The following CACNA1C variants were observed in gnomAD, a reference collection of about 807,000 sequenced individuals.
The protein encoded by CACNA1C is voltage-dependent L-type calcium channel subunit alpha-1C.
In CACNA1C, 30 loss-of-function variants were observed where a neutral mutation model predicts 229.0. That is an observed-to-expected ratio of 0.13 (90% CI 0.10 to 0.18). The LOEUF (loss-of-function observed/expected upper bound fraction) is 0.18. Among genes scored for constraint, CACNA1C ranks in the 10% least tolerant of loss-of-function variants. The probability of loss-of-function intolerance (pLI) is 1.00; values close to 1 mark genes in which losing one functional copy is unlikely to be tolerated. For synonymous variants in CACNA1C, 1,114 were observed against 1,132.5 expected (o/e 0.98, Z 0.33); for missense variants, 1,658 against 2,845.0 (o/e 0.58, Z 9.49).
chr12:2,256,970 C>G (rs950702182), intron 3 of CACNA1C, among the ~76,000 whole-genome samples: 5 of 152,180 alleles, frequency 3.3e-5, no homozygotes, highest in African/African-American at 1.2e-4. Context: ...AGATATGTTA[C>G]AGTTGCACTC....
At chr12:2,107,123 C>T (rs377012037) in intron 1 of CACNA1C, among the ~76,000 whole-genome samples, 138 of 94,840 alleles carry the variant, frequency 1.5e-3, no homozygotes, top group African/African-American at 2.6e-3. Context: ...CACTGGGTGC[C>T]CACCCCGGGG....
At position 2,668,963 on chromosome 12, in the gene CACNA1C, A is replaced by T; in HGVS notation, c.4654A>T (p.Ser1552Cys). Reference sequence around the variant, plus strand: ...GGTCTCCATGAACATGCCTCTGAACAGCGACGGGACAGTCATGTTCAATGC... The same window carrying T: ...GGTCTCCATGAACATGCCTCTGAACTGCGACGGGACAGTCATGTTCAATGC... The part of the protein sequence containing the change: ...RLVSMNMPLN[S>C]DGTVMFNATL... The change falls in exon 38 of 47, where the codon AGC (serine) becomes TGC (cysteine). Residue 1552 changes from serine to cysteine, a missense_variant. Around this residue, in one of 20 missense-constraint regions of CACNA1C, gnomAD observed 151 missense variants for 344.4 expected, o/e 0.44. Transcript: ENST00000399655. 2 of 1,614,150 alleles carry T rather than the reference A, an allele frequency of 1.2e-6. No homozygotes were observed. The highest frequency in any genetic ancestry group is 1.7e-6 in the Non-Finnish European group (2 of 1,179,990).
At chr12:2,458,925 T>G (rs889578389) in intron 5 of CACNA1C, among the ~76,000 whole-genome samples, 2 of 151,902 alleles carry the variant, frequency 1.3e-5, no homozygotes, top group Non-Finnish European at 2.9e-5. Context: ...CAGCACTGCC[T>G]CTTTTAAAGA....
intron 43 of CACNA1C, 63 bp from the exon 44 acceptor site, chr12:2,685,673 C>T: frequency 1.6e-6 from 2 of 1,222,136 alleles, no homozygotes; most frequent in Non-Finnish European, 2.4e-6. Context: ...GGGGGTGCAG[C>T]TGTCCCTGTG....
chr12:2,347,594 T>C (rs1236750372), intron 3 of CACNA1C, among the ~76,000 whole-genome samples: 2 of 152,216 alleles, frequency 1.3e-5, no homozygotes, highest in African/African-American at 4.8e-5. Flanking sequence ...GGAACACCGC[T>C]CCAGGACCAG....
chr12:2,226,125 G>GCACACA (rs59055471), intron 3 of CACNA1C, among the ~76,000 whole-genome samples: 26 of 142,876 alleles, frequency 1.8e-4, no homozygotes, highest in Admixed American at 2.8e-4. Flanking sequence ...ATGGGGACGC[G>GCACACA]CACACACACA....
At chr12:2,239,481 G>A (rs1004037732) in intron 3 of CACNA1C, among the ~76,000 whole-genome samples, 6 of 152,152 alleles carry the variant, frequency 3.9e-5, no homozygotes, top group African/African-American at 4.8e-5. Flanking sequence ...CAAAAGGGCC[G>A]TTCATTCCCA....
At chr12:2,016,511 C>G (rs1327586806) in intron 1 of CACNA1C, among the ~76,000 whole-genome samples, 1 of 152,066 alleles carries the variant, frequency 6.6e-6, no homozygotes, top group Admixed American at 6.6e-5. Flanking sequence ...CTCACTGCAA[C>G]CTCCTCCTCC....
intron 7 of CACNA1C, among the ~76,000 whole-genome samples, chr12:2,496,156 G>T (rs1162424563): frequency 1.3e-5 from 2 of 152,180 alleles, no homozygotes; most frequent in African/African-American, 4.8e-5. Flanking sequence ...TCTGCATTTT[G>T]AAAAAGCTCT....
At chr12:2,572,475 T>TG (rs2055839008) in intron 13 of CACNA1C, among the ~76,000 whole-genome samples, 1 of 5,356 alleles carries the variant, frequency 1.9e-4, no homozygotes. Flanking sequence ...TCTTCCTCCT[T>TG]CTCCTCTTCC....
At chr12:2,254,711 T>G (rs543929208) in intron 3 of CACNA1C, among the ~76,000 whole-genome samples, 4 of 152,074 alleles carry the variant, frequency 2.6e-5, no homozygotes, top group Admixed American at 2.6e-4. Flanking sequence ...TGCTATGGAG[T>G]CAGGGCTGAA....
intron 3 of CACNA1C, among the ~76,000 whole-genome samples, chr12:2,273,572 A>C (rs1306212006): frequency 6.6e-6 from 1 of 152,128 alleles, no homozygotes; most frequent in African/African-American, 2.4e-5. Flanking sequence ...CTGGTTTTGG[A>C]GATGGGGAGA....
chr12:2,048,937 C>T (rs2051589850), upstream of CACNA1C, among the ~76,000 whole-genome samples: 4 of 152,156 alleles, frequency 2.6e-5, no homozygotes, highest in South Asian at 8.3e-4. Flanking sequence ...CCCCACCTGC[C>T]CCAGATTGAG....
intron 32 of CACNA1C, among the ~76,000 whole-genome samples, chr12:2,652,579 T>A (rs1487842587): frequency 6.6e-6 from 1 of 152,228 alleles, no homozygotes; most frequent in Non-Finnish European, 1.5e-5. Flanking sequence ...ATGGTCTTTG[T>A]GTGCCCCACC....
intron 1 of CACNA1C, among the ~76,000 whole-genome samples, chr12:2,021,330 C>A (rs1405801143): frequency 6.6e-6 from 1 of 152,126 alleles, no homozygotes; most frequent in East Asian, 1.9e-4. Context: ...AGATAGAGCA[C>A]TATAGTCAAT....
Position 2,595,961 on chromosome 12 carries a change from G to A in CACNA1C, c.2751G>A (p.Leu917=). 1 of 1,613,192 alleles carries A rather than the reference G, an allele frequency of 6.2e-7. No homozygotes were observed. Among genetic ancestry groups the A allele is most frequent in the Non-Finnish European group, 8.5e-7 (1 of 1,179,418 alleles). The change falls in exon 20 of 47, where the codon CTG becomes CTA. Residue 917 remains leucine (L), a synonymous_variant. Coordinates refer to ENST00000399655, the MANE Select transcript of CACNA1C (RefSeq NM_000719.7). This position sits in a 1 kb window ranked among gnomAD's most constrained non-coding sequence, Gnocchi z 4.1. ...LFFILLSSIS[L]AAEDPVQHTS... is the part of the protein sequence containing the mutation. ...TCATTCTGCTCAGCAGCATTTCCCT[G>A]GCTGCTGAGGACCCGGTCCAGCACA...
rs529393025 is a variant in CACNA1C, at chr12:2,503,265, G to A, written c.1114-1577G>A. Among the ~76,000 whole-genome samples, 7 of 152,256 alleles carry A rather than the reference G, an allele frequency of 4.6e-5. No homozygotes were observed. The South Asian group carries it at 1.2e-3, about 27-fold the overall frequency. On this transcript the variant is annotated intron_variant, in intron 7 of 46. Transcript: ENST00000399655. ...GTGACGCTGAAGCTGTTCGTCCGTGGGCCACACTTTGAGAGCCATTGATGT... is the reference window on the plus strand; with the variant it reads ...GTGACGCTGAAGCTGTTCGTCCGTGAGCCACACTTTGAGAGCCATTGATGT...
intron 3 of CACNA1C, among the ~76,000 whole-genome samples, chr12:2,440,059 C>T (rs773230016): frequency 4.1e-4 from 62 of 152,192 alleles, no homozygotes; most frequent in Non-Finnish European, 8.1e-4. Flanking sequence ...TCCGCTGGCC[C>T]ACTACAAAAG....
chr12:2,663,515 G>A (rs933014621), intron 34 of CACNA1C, among the ~76,000 whole-genome samples: 2 of 152,086 alleles, frequency 1.3e-5, no homozygotes, highest in African/African-American at 4.8e-5. Flanking sequence ...AGAGACACCT[G>A]CACACACACA....
Sources: gnomAD v4.1 joint callset for allele counts (sites outside exome capture counted in the v4.1 genomes callset) on GRCh38, gnomAD v4.1.1 for gene constraint, gnomAD v4.1.1 regional missense constraint, Gnocchi (gnomAD v3.1) non-coding constraint, MANE v1.5 for transcripts, NCBI Gene and HGNC (gene_info 2026-07-23, HGNC 2026-07-21) for gene names.